PCDH11X: variants seen among roughly 807,000 people sequenced by gnomAD.
PCDH11X encodes the protein protocadherin 11 X-linked.
Under a neutral mutation model 53.3 loss-of-function variants are expected in PCDH11X, and 18 were observed. The observed-to-expected ratio is 0.34, with a 90% confidence interval of 0.23 to 0.50. The LOEUF is 0.50. Ranked by LOEUF, PCDH11X falls within the 20% of genes least tolerant of loss-of-function variation. PCDH11X has a pLI of 0.98. For synonymous variants in PCDH11X, 279 were observed against 393.3 expected, an observed-to-expected ratio of 0.71 and a Z score of 3.44; for missense variants, 570 against 1,032.4, an observed-to-expected ratio of 0.55 and a Z score of 6.14.
intron 8 of PCDH11X, among the ~76,000 whole-genome samples, chrX:92,267,668 A>G (rs2067863112): frequency 8.9e-6 from 1 of 112,582 alleles, no homozygotes; most frequent in Non-Finnish European, 1.9e-5. Context: ...TAAAAGCATA[A>G]TTTAGAATTT....
intron 9 of PCDH11X, among the ~76,000 whole-genome samples, chrX:92,422,151 T>A (rs992713771): frequency 2.8e-5 from 3 of 108,064 alleles, no homozygotes; most frequent in African/African-American, 1.0e-4. Context: ...TTTTTTTTTT[T>A]TAAATTTTAT....
chrX:92,285,317 G>A (rs895803478), intron 8 of PCDH11X, among the ~76,000 whole-genome samples: 4 of 99,095 alleles, frequency 4.0e-5, no homozygotes, highest in Admixed American at 1.2e-4. Flanking sequence ...GCAATGGCGC[G>A]ATCTCGGCTC....
chrX:92,445,767 G>T (rs1421506433), intron 9 of PCDH11X, among the ~76,000 whole-genome samples: 2 of 109,956 alleles, frequency 1.8e-5, no homozygotes, highest in Non-Finnish European at 3.8e-5. Flanking sequence ...AATTATGCTA[G>T]CTCTGAGGAA....
chrX:92,619,692 A>T lies in PCDH11X; in HGVS notation c.*752A>T, dbSNP rs1928344654. On this transcript the variant is annotated 3_prime_UTR_variant, in exon 11 of 11. Transcript: ENST00000682573. The stretch of plus-strand genomic sequence containing the variant: ...TGCCCTAATTAAGCAACTATTTGTT[A>T]AAAAGGGCCTCTTTTTACTTTAATA... The T allele has an allele frequency of 9.0e-6, 1 of 111,239 alleles. No homozygotes were observed. Among genetic ancestry groups the T allele is most frequent in the South Asian group, 3.8e-4 (1 of 2,639 alleles). 9.2% of individuals were successfully genotyped at this position (111,239 alleles called of 1,213,427 possible). A position where few individuals can be genotyped will look rare whatever the true frequency, so the allele number is the denominator to read the frequency against.
intron 6 of PCDH11X, chrX:91,982,774 C>A: frequency 1.5e-6 from 1 of 674,958 alleles, no homozygotes. Flanking sequence ...TATCCTAAAC[C>A]TATCAGGCTG....
intron 6 of PCDH11X, among the ~76,000 whole-genome samples, chrX:92,006,873 T>C (rs1397397239): frequency 8.9e-6 from 1 of 111,742 alleles, no homozygotes; most frequent in Non-Finnish European, 1.9e-5. Context: ...GCTGCCTTTA[T>C]GGTATTAAAC....
intron 7 of PCDH11X, among the ~76,000 whole-genome samples, chrX:92,224,806 C>T (rs955989906): frequency 3.6e-5 from 4 of 112,068 alleles, no homozygotes; most frequent in African/African-American, 1.3e-4. Context: ...GCAAGAAAAA[C>T]AACTATAGCA....
At chrX:92,457,946 G>T (rs2072941436) in intron 9 of PCDH11X, among the ~76,000 whole-genome samples, 1 of 108,958 alleles carries the variant, frequency 9.2e-6, no homozygotes, top group South Asian at 3.9e-4. Context: ...GTAATTATAT[G>T]ACCTATTTCT....
intron 6 of PCDH11X, among the ~76,000 whole-genome samples, chrX:91,946,399 G>C (rs2147863947): frequency 9.6e-6 from 1 of 104,600 alleles, no homozygotes; most frequent in East Asian, 3.0e-4. Flanking sequence ...CATAGTTATT[G>C]AACTGCAAAA....
chrX:91,816,760 C>T (rs1936465314), intron 4 of PCDH11X, among the ~76,000 whole-genome samples: 1 of 111,059 alleles, frequency 9.0e-6, no homozygotes, highest in African/African-American at 3.3e-5. Context: ...GGGTAATTGG[C>T]TATGTTAGAA....
chrX:92,295,310 A>G (rs978692619), intron 8 of PCDH11X, among the ~76,000 whole-genome samples: 1 of 110,316 alleles, frequency 9.1e-6, no homozygotes, highest in Non-Finnish European at 1.9e-5. Context: ...AATAAACTGA[A>G]TAATATAGTT....
intron 10 of PCDH11X, among the ~76,000 whole-genome samples, chrX:92,523,634 T>C (rs755994108): frequency 9.0e-6 from 1 of 111,639 alleles, no homozygotes; most frequent in Admixed American, 9.5e-5. Context: ...CTTTCGTCAC[T>C]CTGTCCCATA....
chrX:91,890,420 T>C (rs1481532427), intron 6 of PCDH11X, among the ~76,000 whole-genome samples: 3 of 106,635 alleles, frequency 2.8e-5, no homozygotes, highest in Non-Finnish European at 3.9e-5. Context: ...ACATTCTGTA[T>C]ATGTCCTCAT....
chrX:92,013,685 A>C (rs901208439), intron 6 of PCDH11X, among the ~76,000 whole-genome samples: 4 of 111,492 alleles, frequency 3.6e-5, no homozygotes, highest in Admixed American at 2.9e-4. Context: ...CAAAACAGAG[A>C]TATAGACCCA....
At chrX:92,163,202 G>C (rs1381531541) in intron 6 of PCDH11X, among the ~76,000 whole-genome samples, 1 of 110,157 alleles carries the variant, frequency 9.1e-6, no homozygotes, top group Non-Finnish European at 1.9e-5. Context: ...CCAAAACAGT[G>C]CTGAGTTTGT....
chrX:92,049,608 A>C (rs2063338317), intron 6 of PCDH11X, among the ~76,000 whole-genome samples: 1 of 111,580 alleles, frequency 9.0e-6, no homozygotes, highest in South Asian at 3.8e-4. Context: ...GGATAGAAAA[A>C]AATAGTATCT....
chrX:92,106,706 A>G (rs2064391871), intron 6 of PCDH11X, among the ~76,000 whole-genome samples: 1 of 112,099 alleles, frequency 8.9e-6, no homozygotes, highest in African/African-American at 3.2e-5. Context: ...AATTAAGTCT[A>G]TAGTTAACAA....
intron 10 of PCDH11X, among the ~76,000 whole-genome samples, chrX:92,519,598 C>T (rs2074332625): frequency 9.0e-6 from 1 of 110,519 alleles, no homozygotes; most frequent in Non-Finnish European, 1.9e-5. Flanking sequence ...ACAGAAATAT[C>T]ATAGTGACGT....
intron 10 of PCDH11X, among the ~76,000 whole-genome samples, chrX:92,550,935 TAA>T (rs2074943034): frequency 9.1e-6 from 1 of 109,992 alleles, no homozygotes; most frequent in South Asian, 3.9e-4. Context: ...TTTTTATGGC[TAA>T]ATAGTACTCC....
Sources: gnomAD v4.1 joint callset for allele counts (sites outside exome capture counted in the v4.1 genomes callset) on GRCh38, gnomAD v4.1.1 for gene constraint, MANE v1.5 for transcripts, NCBI Gene and HGNC (gene_info 2026-07-23, HGNC 2026-07-21) for gene names.